LRRC4C: variants seen among roughly 807,000 people sequenced by gnomAD.
The protein encoded by LRRC4C is leucine-rich repeat-containing protein 4C.
LRRC4C carries 5 observed loss-of-function variants against 33.6 expected under a neutral mutation model. The ratio of observed to expected loss-of-function variants is 0.15; its 90% CI spans 0.08 to 0.31. The LOEUF is 0.31. LRRC4C is among the 10% of genes least tolerant of loss of function. LRRC4C has a pLI of 1.00. For synonymous variants in LRRC4C, 329 were observed against 302.0 expected, an observed-to-expected ratio of 1.09 and a Z score of -0.93; for missense variants, 560 against 796.7, an observed-to-expected ratio of 0.70 and a Z score of 3.58.
intron 1 of LRRC4C, among the ~76,000 whole-genome samples, chr11:41,081,496 T>C (rs1195679569): frequency 6.6e-6 from 1 of 151,994 alleles, no homozygotes; most frequent in East Asian, 1.9e-4. Context: ...GCTTGAGGAG[T>C]CATTTCTGCC....
intron 3 of LRRC4C, among the ~76,000 whole-genome samples, chr11:40,474,406 C>T (rs1004545257): frequency 6.6e-6 from 1 of 152,072 alleles, no homozygotes; most frequent in Admixed American, 6.6e-5. Flanking sequence ...TGGACCCCTT[C>T]CCCACATCTT....
intron 1 of LRRC4C, among the ~76,000 whole-genome samples, chr11:41,113,010 A>AAGGGTCTT (rs1941929205): frequency 6.6e-6 from 1 of 152,098 alleles, no homozygotes; most frequent in Admixed American, 6.6e-5. Context: ...AAACAAGTAC[A>AAGGGTCTT]TTTTCTGAAG....
intron 3 of LRRC4C, among the ~76,000 whole-genome samples, chr11:40,356,314 T>C (rs1383974071): frequency 6.6e-6 from 1 of 152,346 alleles, no homozygotes; most frequent in East Asian, 1.9e-4. Flanking sequence ...TCCGATGTTA[T>C]GATGATTACA....
chr11:41,444,168 A>G (rs1955745563), intron 1 of LRRC4C, among the ~76,000 whole-genome samples: 1 of 152,216 alleles, frequency 6.6e-6, no homozygotes, highest in African/African-American at 2.4e-5. Context: ...AAAAGTAATA[A>G]TAATGAGTAC....
intron 1 of LRRC4C, among the ~76,000 whole-genome samples, chr11:41,131,194 A>AT (rs1285203881): frequency 6.6e-6 from 1 of 152,008 alleles, no homozygotes; most frequent in Non-Finnish European, 1.5e-5. Context: ...AACGTGAAAA[A>AT]TTGTGCCTTA....
chr11:41,233,405 C>A (rs1482493340), intron 1 of LRRC4C, among the ~76,000 whole-genome samples: 3 of 151,896 alleles, frequency 2.0e-5, no homozygotes, highest in Non-Finnish European at 2.9e-5. Context: ...TGAATAGTTA[C>A]CATTTTAAGA....
intron 2 of LRRC4C, among the ~76,000 whole-genome samples, chr11:40,858,395 G>C (rs1166481779): frequency 1.3e-5 from 2 of 151,880 alleles, no homozygotes; most frequent in South Asian, 4.2e-4. Context: ...AAGATCAATA[G>C]TATTTTAAAA....
chr11:41,269,075 C>T (rs1379553402), intron 1 of LRRC4C, among the ~76,000 whole-genome samples: 1 of 152,024 alleles, frequency 6.6e-6, no homozygotes, highest in African/African-American at 2.4e-5. Context: ...CATTGGGTAA[C>T]TGGTAGAGGC....
At chr11:41,160,263 G>C (rs899395690) in intron 1 of LRRC4C, among the ~76,000 whole-genome samples, 2 of 151,840 alleles carry the variant, frequency 1.3e-5, no homozygotes, top group African/African-American at 4.8e-5. Context: ...CAGCTACCAG[G>C]GAGACTGAGA....
intron 1 of LRRC4C, among the ~76,000 whole-genome samples, chr11:41,416,114 T>C (rs1954669586): frequency 6.6e-6 from 1 of 152,048 alleles, no homozygotes; most frequent in Admixed American, 6.6e-5. Context: ...CAGAGAGTCA[T>C]ATAAAGCTGT....
intron 2 of LRRC4C, among the ~76,000 whole-genome samples, chr11:40,872,150 G>A (rs1954681575): frequency 6.6e-6 from 1 of 152,072 alleles, no homozygotes; most frequent in Non-Finnish European, 1.5e-5. Flanking sequence ...ACATCCACCA[G>A]TTAAAGAAGT....
At chr11:40,782,725 T>C (rs1950262087) in intron 2 of LRRC4C, among the ~76,000 whole-genome samples, 1 of 152,178 alleles carries the variant, frequency 6.6e-6, no homozygotes, top group South Asian at 2.1e-4. Context: ...ACAAACCTGG[T>C]GGATATTATT....
intron 5 of LRRC4C, among the ~76,000 whole-genome samples, chr11:40,205,833 C>G (rs1400874391): frequency 6.6e-6 from 1 of 152,096 alleles, no homozygotes; most frequent in Non-Finnish European, 1.5e-5. Flanking sequence ...CTGAGAGGCC[C>G]GCTTGGTTCT....
intron 2 of LRRC4C, among the ~76,000 whole-genome samples, chr11:40,915,846 A>G (rs541041593): frequency 6.6e-6 from 1 of 150,404 alleles, no homozygotes; most frequent in Non-Finnish European, 1.5e-5. Context: ...AAACAAATTT[A>G]CAAGAAAAAA....
At chr11:41,252,366 A>C (rs1948667919) in intron 1 of LRRC4C, among the ~76,000 whole-genome samples, 1 of 152,276 alleles carries the variant, frequency 6.6e-6, no homozygotes, top group African/African-American at 2.4e-5. Context: ...CCTTGAAAAT[A>C]CATTTCTGAG....
intron 3 of LRRC4C, among the ~76,000 whole-genome samples, chr11:40,519,902 G>GACTACACT (rs1955737940): frequency 6.6e-6 from 1 of 152,198 alleles, no homozygotes; most frequent in Non-Finnish European, 1.5e-5. Flanking sequence ...GGATGAAGGT[G>GACTACACT]ACTACACTAA....
chr11:40,583,312 G>A (rs138355399), intron 3 of LRRC4C, among the ~76,000 whole-genome samples: 17 of 152,240 alleles, frequency 1.1e-4, no homozygotes, highest in African/African-American at 4.1e-4. Flanking sequence ...CTATAGCACA[G>A]CTGCTATAAT....
intron 1 of LRRC4C, among the ~76,000 whole-genome samples, chr11:41,100,691 T>C (rs930965782): frequency 6.6e-6 from 1 of 152,166 alleles, no homozygotes; most frequent in African/African-American, 2.4e-5. Flanking sequence ...AAGAAAACTA[T>C]TTTAAAATTC....
chr11:40,350,484 G>T (rs981321988), intron 3 of LRRC4C, among the ~76,000 whole-genome samples: 1 of 151,964 alleles, frequency 6.6e-6, no homozygotes, highest in Non-Finnish European at 1.5e-5. Flanking sequence ...ATGATGTTTT[G>T]GTTACTATAG....
Sources: allele counts gnomAD v4.1 joint callset (sites outside exome capture counted in the v4.1 genomes callset), GRCh38; gene constraint gnomAD v4.1.1; transcripts MANE v1.5; gene names NCBI Gene and HGNC (gene_info 2026-07-23, HGNC 2026-07-21).